The following ZNF385D variants were observed in gnomAD, a reference collection of about 807,000 sequenced individuals.
ZNF385D encodes the protein zinc finger protein 659.
In ZNF385D, 15 loss-of-function variants were observed where a neutral mutation model predicts 35.8. The observed-to-expected ratio is 0.42, with a 90% confidence interval of 0.28 to 0.64. The LOEUF (loss-of-function observed/expected upper bound fraction) is 0.64. Ranked by LOEUF, ZNF385D falls within the 30% of genes least tolerant of loss-of-function variation. The probability of loss-of-function intolerance (pLI) is 0.23; values close to 1 mark genes in which losing one functional copy is unlikely to be tolerated. For synonymous variants in ZNF385D, 212 were observed against 186.8 expected (o/e 1.13, Z -1.10); for missense variants, 474 against 494.6 (o/e 0.96, Z 0.39).
intron 3 of ZNF385D, among the ~76,000 whole-genome samples, chr3:21,905,641 C>A (rs1253864171): frequency 1.3e-5 from 2 of 151,592 alleles, no homozygotes; most frequent in East Asian, 1.9e-4. Context: ...GGTGGCATTT[C>A]TTTTAATCTC....
At chr3:21,747,327 AT>A (rs979493641) in intron 1 of ZNF385D, among the ~76,000 whole-genome samples, 16 of 151,888 alleles carry the variant, frequency 1.1e-4, no homozygotes, top group East Asian at 3.9e-4. Context: ...GTATCATTTC[AT>A]TTTTTTTAGG....
chr3:21,789,858 T>C lies in ZNF385D; in HGVS notation c.326-124830A>G, dbSNP rs117102986. Among the ~76,000 whole-genome samples, 41 of 152,340 alleles carry C rather than the reference T, an allele frequency of 2.7e-4. No individual in the cohort carries two copies. The East Asian group carries it at 7.3e-3, about 27-fold the overall frequency. On this transcript the variant is annotated intron_variant, in intron 3 of 5. Transcript: ENST00000494108. ...GAATATTCTACAACCTTTGTGTATG[T>C]GGCTTCTTGGGTTCTTTCAACTTGT...
At chr3:21,711,703 C>A (rs1241832261) in intron 1 of ZNF385D, among the ~76,000 whole-genome samples, 1 of 152,152 alleles carries the variant, frequency 6.6e-6, no homozygotes, top group Non-Finnish European at 1.5e-5. Flanking sequence ...TTTATTTTTA[C>A]TGACATATGC....
intron 2 of ZNF385D, among the ~76,000 whole-genome samples, chr3:22,343,216 T>C (rs1227323612): frequency 6.6e-6 from 1 of 152,240 alleles, no homozygotes; most frequent in East Asian, 1.9e-4. Flanking sequence ...AAAGAGCTAA[T>C]TCAAGACCCA....
At chr3:22,304,445 G>T (rs1316687238) in intron 2 of ZNF385D, among the ~76,000 whole-genome samples, 3 of 152,086 alleles carry the variant, frequency 2.0e-5, no homozygotes, top group African/African-American at 7.2e-5. Flanking sequence ...TGTGAAAATT[G>T]TAAGGTATAT....
chr3:21,657,021 T>A lies in ZNF385D; in HGVS notation c.165+7865A>T, dbSNP rs114975657. 8.2e-3 allele frequency among the ~76,000 whole-genome samples: 1,247 copies of A among 151,996 alleles called. 19 individuals are homozygous for A. The highest frequency in any genetic ancestry group is 0.029 in the African/African-American group (1,213 of 41,510). ...TTACTTGCAAAGCCTCATCTCATTATGATTAGGTTGACTACATAAAGGATA... is the reference window on the plus strand; with the variant it reads ...TTACTTGCAAAGCCTCATCTCATTAAGATTAGGTTGACTACATAAAGGATA... On this transcript the variant is annotated intron_variant, in intron 2 of 7. Transcript: ENST00000281523.
intron 3 of ZNF385D, among the ~76,000 whole-genome samples, chr3:21,523,776 T>C (rs949144687): frequency 2.0e-5 from 3 of 152,104 alleles, no homozygotes; most frequent in Non-Finnish European, 4.4e-5. Flanking sequence ...TGCAAATTTT[T>C]TTTTTTTTGA....
chr3:21,842,114 T>C (rs1427429006), intron 3 of ZNF385D, among the ~76,000 whole-genome samples: 1 of 151,982 alleles, frequency 6.6e-6, no homozygotes, highest in East Asian at 1.9e-4. Context: ...AAAGCTGCTT[T>C]CTCTTTCAGA....
chr3:21,658,205 A>G (rs1333234092), intron 2 of ZNF385D, among the ~76,000 whole-genome samples: 1 of 152,070 alleles, frequency 6.6e-6, no homozygotes, highest in African/African-American at 2.4e-5. Flanking sequence ...GGACTTACAC[A>G]AAATAGTTGA....
intron 3 of ZNF385D, among the ~76,000 whole-genome samples, chr3:22,007,288 T>C (rs759530378): frequency 6.6e-6 from 1 of 152,218 alleles, no homozygotes; most frequent in Non-Finnish European, 1.5e-5. Context: ...CATTATATCC[T>C]GGAAATCAAT....
intron 3 of ZNF385D, among the ~76,000 whole-genome samples, chr3:22,030,627 T>G (rs1053276019): frequency 4.6e-5 from 7 of 152,046 alleles, no homozygotes; most frequent in African/African-American, 1.7e-4. Context: ...GGTTTCTCCC[T>G]TGACACATGA....
At chr3:22,143,022 A>T (rs1274194623) in intron 3 of ZNF385D, among the ~76,000 whole-genome samples, 1 of 151,860 alleles carries the variant, frequency 6.6e-6, no homozygotes, top group African/African-American at 2.4e-5. Context: ...AATAATAAAA[A>T]AAAAAGAGAT....
intron 3 of ZNF385D, chr3:21,958,863 A>G (rs1702429582): frequency 6.6e-6 from 1 of 152,148 alleles, no homozygotes. Flanking sequence ...TTCATTACAA[A>G]TAATTCAAGA....
intron 3 of ZNF385D, among the ~76,000 whole-genome samples, chr3:21,823,886 T>C (rs1252466768): frequency 1.3e-5 from 2 of 152,216 alleles, no homozygotes; most frequent in East Asian, 3.8e-4. Context: ...TGAACGTCAA[T>C]GTATGCTAAT....
chr3:22,178,899 A>G (rs985316819), intron 2 of ZNF385D, among the ~76,000 whole-genome samples: 3 of 152,092 alleles, frequency 2.0e-5, no homozygotes, highest in Non-Finnish European at 4.4e-5. Flanking sequence ...AGTTGTAGAT[A>G]TGTGGCATTA....
At chr3:21,708,567 A>T (rs959009602) in intron 1 of ZNF385D, among the ~76,000 whole-genome samples, 1 of 152,194 alleles carries the variant, frequency 6.6e-6, no homozygotes, top group African/African-American at 2.4e-5. Flanking sequence ...GTGGAAATAA[A>T]TTTGAAATTA....
chr3:21,588,974 TG>T (rs2063893069), intron 2 of ZNF385D, among the ~76,000 whole-genome samples: 1 of 152,218 alleles, frequency 6.6e-6, no homozygotes, highest in African/African-American at 2.4e-5. Context: ...TTCTAGGTTT[TG>T]GGGTTTCAGC....
intron 2 of ZNF385D, among the ~76,000 whole-genome samples, chr3:22,173,785 C>T (rs1014636933): frequency 3.9e-5 from 6 of 152,242 alleles, no homozygotes; most frequent in African/African-American, 1.4e-4. Flanking sequence ...CTCCCCAGCC[C>T]TCTGTGAAAA....
intron 3 of ZNF385D, among the ~76,000 whole-genome samples, chr3:21,943,960 G>A (rs1183328160): frequency 6.6e-6 from 1 of 152,122 alleles, no homozygotes; most frequent in Non-Finnish European, 1.5e-5. Flanking sequence ...ATTTTAACAT[G>A]TTCATACCAA....
Sources: allele counts gnomAD v4.1 joint callset (sites outside exome capture counted in the v4.1 genomes callset), GRCh38; gene constraint gnomAD v4.1.1; transcripts MANE v1.5; gene names NCBI Gene and HGNC (gene_info 2026-07-23, HGNC 2026-07-21).